Variants in RFWD3 observed in about 807,000 individuals in gnomAD.
RFWD3 encodes E3 ubiquitin-protein ligase RFWD3.
Under a neutral mutation model 87.7 loss-of-function variants are expected in RFWD3, and 65 were observed. The observed-to-expected ratio is 0.74, with a 90% CI of 0.61 to 0.91. The LOEUF (loss-of-function observed/expected upper bound fraction) is 0.91. Among genes scored for constraint, RFWD3 ranks in the 40% least tolerant of loss-of-function variants. The pLI, the probability that RFWD3 is intolerant of heterozygous loss-of-function variation, is 0.00. For synonymous variants in RFWD3, 433 were observed against 352.8 expected, an observed-to-expected ratio of 1.23 and a Z score of -2.55; for missense variants, 1,078 against 938.5, an observed-to-expected ratio of 1.15 and a Z score of -1.94.
chr16:74,656,716 C>T (rs8056556), intron 2 of RFWD3, among the ~76,000 whole-genome samples: 4 of 152,154 alleles, frequency 2.6e-5, no homozygotes, highest in African/African-American at 4.8e-5. Flanking sequence ...CTTCAGCCCC[C>T]CAAAGTGCTG....
At chr16:74,655,987 G>C (rs1360182292) in intron 2 of RFWD3, among the ~76,000 whole-genome samples, 1 of 152,072 alleles carries the variant, frequency 6.6e-6, no homozygotes, top group African/African-American at 2.4e-5. Flanking sequence ...TAAACCAAGA[G>C]CTCTGAAGGT....
chr16:74,624,286 T>C (rs969341095), intron 12 of RFWD3, among the ~76,000 whole-genome samples: 1 of 152,248 alleles, frequency 6.6e-6, no homozygotes, highest in Admixed American at 6.5e-5. Context: ...TTAGTCTACC[T>C]GTAAGTGGAC....
In RFWD3 at chr16:74,654,805, T is replaced by G. The variant is rs956922486; in HGVS notation, c.519-2683A>C. Among the ~76,000 whole-genome samples the G allele has an allele frequency of 9.2e-5, 14 of 152,318 alleles. No homozygotes were observed. In the East Asian group the frequency reaches 1.9e-3, roughly 21 times the overall value. On this transcript the variant is annotated intron_variant, in intron 2 of 12. Coordinates refer to ENST00000361070, the MANE Select transcript of RFWD3 (RefSeq NM_018124.4). The stretch of plus-strand genomic sequence containing the variant: ...TGATAAGACAGCCTTATTGCTGATA[T>G]GGAGACAGTTTTAGTGGTCTGGAAA...
chr16:74,624,612 GTCT>G (rs1457050294), intron 12 of RFWD3, among the ~76,000 whole-genome samples: 1 of 152,194 alleles, frequency 6.6e-6, no homozygotes, highest in Non-Finnish European at 1.5e-5. Context: ...GGCCAGGCTG[GTCT>G]AGAACTCCTG....
chr16:74,640,511 A>C (rs971993451), intron 6 of RFWD3, among the ~76,000 whole-genome samples: 1 of 152,184 alleles, frequency 6.6e-6, no homozygotes. Flanking sequence ...TTAGTAAATT[A>C]TAAGTCAGGT....
intron 6 of RFWD3, chr16:74,644,152 T>C (rs958607655): frequency 3.3e-6 from 2 of 607,358 alleles, no homozygotes; most frequent in African/African-American, 3.7e-5. Flanking sequence ...TTTAATGCTC[T>C]ACATAAGGCA....
chr16:74,629,069 A>G (rs1316141306), intron 10 of RFWD3, among the ~76,000 whole-genome samples: 2 of 152,222 alleles, frequency 1.3e-5, no homozygotes, highest in Non-Finnish European at 2.9e-5. Flanking sequence ...AGACCCCACA[A>G]TTAAAATACA....
chr16:74,646,824 G>A (rs1015262747), intron 4 of RFWD3, among the ~76,000 whole-genome samples: 10 of 152,174 alleles, frequency 6.6e-5, no homozygotes, highest in African/African-American at 2.2e-4. Flanking sequence ...TGTAATCCCA[G>A]CACTTTGGGA....
intron 2 of RFWD3, among the ~76,000 whole-genome samples, chr16:74,655,537 A>G (rs1960905839): frequency 1.3e-5 from 2 of 150,216 alleles, no homozygotes; most frequent in Non-Finnish European, 3.0e-5. Context: ...ATGAGCCACC[A>G]TGCCCAGCTG....
In RFWD3 at chr16:74,649,335, G is replaced by C. The variant is rs180929467; in HGVS notation, c.722-133C>G. The C allele has an allele frequency of 6.8e-5, 39 of 574,802 alleles. 1 individual carries two copies. In the Admixed American group the frequency reaches 1.2e-3, roughly 17 times the overall value. 35.6% of individuals were successfully genotyped at this position (574,802 alleles called of 1,614,324 possible). On this transcript the variant is annotated intron_variant, in intron 3 of 12. Coordinates refer to ENST00000361070, the MANE Select transcript of RFWD3 (RefSeq NM_018124.4). ...CTAACTGACAGTGTTCCTGCAAAAA[G>C]GATGACAACTTCCCCAGGTACCATC...
chr16:74,654,846 C>T lies in RFWD3; in HGVS notation c.519-2724G>A, dbSNP rs1401544729. Among the ~76,000 whole-genome samples, 3 of 152,178 alleles carry T rather than the reference C, an allele frequency of 2.0e-5. No individual in the cohort carries two copies. The East Asian group carries it at 5.8e-4, about 29-fold the overall frequency. On this transcript the variant is annotated intron_variant, in intron 2 of 12. Transcript: ENST00000361070. ...GGTCTGGAAAGAAGATCAAACCAGC[C>T]ACAACATTCCCTTAAGTGAATCCCT...
rs374982151 is a variant in RFWD3 at position 74,625,470 on chromosome 16, C to T, written c.2181+873G>A. Among the ~76,000 whole-genome samples, 4 of 151,130 alleles carry T rather than the reference C, an allele frequency of 2.6e-5. No homozygotes were observed. The South Asian group carries it at 6.3e-4, about 24-fold the overall frequency. On this transcript the variant is annotated intron_variant, in intron 12 of 12. Coordinates refer to ENST00000361070, the MANE Select transcript of RFWD3 (RefSeq NM_018124.4). ...TGGAGGTGGCAGTGAGCCGAGATTG[C>T]GCCTCTGCACTCCAGCCTGGGTAAC... is the stretch of plus-strand genomic sequence containing the variant.
Position 74,651,862 on chromosome 16 carries a change from G to A in RFWD3, c.721+58C>T, listed in dbSNP as rs961127696. The A allele has an allele frequency of 3.2e-5, 48 of 1,500,558 alleles. 2 individuals are homozygous for A. The South Asian group carries it at 4.1e-4, about 13-fold the overall frequency. 93.0% of individuals were successfully genotyped at this position (1,500,558 alleles called of 1,614,324 possible). A position where few individuals can be genotyped will look rare whatever the true frequency, so the allele number is the denominator to read the frequency against. Reference sequence around the variant, plus strand: ...GCACAAATCTAGTTTCTAGCCTTCCGAAATTTAAGCTTCATGGATGTTAGC... The same window carrying A: ...GCACAAATCTAGTTTCTAGCCTTCCAAAATTTAAGCTTCATGGATGTTAGC... On this transcript the variant is annotated intron_variant, in intron 3 of 12. Transcript: ENST00000361070.
At chr16:74,626,705 C>G (rs1958946504) in intron 11 of RFWD3, 151 bp from the exon 12 acceptor site, 4 of 627,296 alleles carry the variant, frequency 6.4e-6, no homozygotes, top group Non-Finnish European at 1.1e-5. Flanking sequence ...AATGAAAGAA[C>G]AATATCACAG....
intron 8 of RFWD3, among the ~76,000 whole-genome samples, chr16:74,632,887 C>T (rs751495160): frequency 2.0e-4 from 31 of 152,186 alleles, no homozygotes; most frequent in Non-Finnish European, 3.8e-4. Flanking sequence ...CAGCTCACTA[C>T]AACTTCTGCC....
At chr16:74,663,442 C>A (rs1291179911) in intron 1 of RFWD3, among the ~76,000 whole-genome samples, 1 of 152,102 alleles carries the variant, frequency 6.6e-6, no homozygotes, top group Non-Finnish European at 1.5e-5. Flanking sequence ...AGAACGGCCG[C>A]TAGATTTGGC....
chr16:74,660,759 C>T (rs1961361945), intron 2 of RFWD3, 173 bp downstream of exon 2: 1 of 658,998 alleles, frequency 1.5e-6, no homozygotes, highest in African/African-American at 1.8e-5. Flanking sequence ...TAACTTATCC[C>T]TTCATTACTT....
chr16:74,648,621 A>C (rs1960341020), intron 4 of RFWD3, among the ~76,000 whole-genome samples: 1 of 151,406 alleles, frequency 6.6e-6, no homozygotes, highest in South Asian at 2.1e-4. Context: ...AAAAGACAAA[A>C]ATTAGCTGGG....
intron 11 of RFWD3, among the ~76,000 whole-genome samples, chr16:74,628,224 G>A (rs1231213462): frequency 6.6e-6 from 1 of 152,134 alleles, no homozygotes; most frequent in Non-Finnish European, 1.5e-5. Context: ...TTCACTTCCA[G>A]GAGTACCTGG....
Sources: allele counts gnomAD v4.1 joint callset (sites outside exome capture counted in the v4.1 genomes callset), GRCh38; gene constraint gnomAD v4.1.1; transcripts MANE v1.5; gene names NCBI Gene and HGNC (gene_info 2026-07-23, HGNC 2026-07-21).